CPED1: variants seen among roughly 807,000 people sequenced by gnomAD.
The protein encoded by CPED1 is cadherin like and PC-esterase domain containing 1, also known as cadherin-like and PC-esterase domain-containing protein 1.
CPED1 carries 114 observed loss-of-function variants against 128.2 expected under a neutral mutation model. The observed-to-expected ratio is 0.89, with a 90% confidence interval of 0.76 to 1.04. CPED1 has a LOEUF of 1.04. Among genes scored for constraint, CPED1 ranks in the 50% least tolerant of loss-of-function variants. CPED1 has a pLI of 0.00. For missense variants in CPED1, 1,211 were observed against 1,207.1 expected (o/e 1.00, Z -0.05); for synonymous variants, 462 against 426.7 (o/e 1.08, Z -1.02).
At chr7:121,012,656 T>C (rs1381029862) in intron 2 of CPED1, among the ~76,000 whole-genome samples, 2 of 152,240 alleles carry the variant, frequency 1.3e-5, no homozygotes, top group African/African-American at 4.8e-5. Flanking sequence ...TGCCCTTTGG[T>C]ATTGGGCCAT....
intron 7 of CPED1, among the ~76,000 whole-genome samples, chr7:121,117,083 A>ATATATATATATT (rs1795263307): frequency 1.4e-5 from 2 of 143,086 alleles, no homozygotes; most frequent in African/African-American, 5.2e-5. Context: ...CACATTATAT[A>ATATATATATATT]TATATATATA....
intron 5 of CPED1, chr7:121,076,707 T>A (rs1346616368): frequency 6.6e-6 from 1 of 152,186 alleles, no homozygotes; most frequent in Admixed American, 6.5e-5. Context: ...ATAGATTAGC[T>A]CTCTGGGAAG....
chr7:121,011,681 T>C (rs531044906), intron 2 of CPED1, among the ~76,000 whole-genome samples: 26 of 152,216 alleles, frequency 1.7e-4, no homozygotes, highest in African/African-American at 6.0e-4. Context: ...AAAATAAACA[T>C]AAGTTTCCAA....
At chr7:121,096,722 T>G (rs1290949780) in intron 5 of CPED1, among the ~76,000 whole-genome samples, 3 of 152,166 alleles carry the variant, frequency 2.0e-5, no homozygotes. Flanking sequence ...GTATATTTAT[T>G]TATTTAATGA....
intron 5 of CPED1, among the ~76,000 whole-genome samples, chr7:121,076,363 C>T (rs1308845317): frequency 6.6e-6 from 1 of 151,928 alleles, no homozygotes; most frequent in Admixed American, 6.6e-5. Flanking sequence ...TAATATTGTC[C>T]ATAAACTAGG....
intron 16 of CPED1, among the ~76,000 whole-genome samples, chr7:121,189,652 A>G (rs1400208469): frequency 1.3e-5 from 2 of 151,264 alleles, no homozygotes; most frequent in African/African-American, 2.4e-5. Context: ...CTCTCAATTT[A>G]TGAAAAATAA....
At chr7:121,121,053 T>A (rs887190472) in intron 7 of CPED1, among the ~76,000 whole-genome samples, 8 of 142,646 alleles carry the variant, frequency 5.6e-5, no homozygotes, top group Admixed American at 2.9e-4. Flanking sequence ...ACAGAACAAA[T>A]GACATGTGTT....
intron 2 of CPED1, among the ~76,000 whole-genome samples, chr7:121,001,073 T>C (rs1184467759): frequency 6.6e-6 from 1 of 152,188 alleles, no homozygotes; most frequent in Non-Finnish European, 1.5e-5. Context: ...TCTTCAATAA[T>C]GCATATGTAG....
At chr7:121,228,300 A>G (rs1043619313) in intron 16 of CPED1, among the ~76,000 whole-genome samples, 6 of 152,046 alleles carry the variant, frequency 3.9e-5, no homozygotes, top group African/African-American at 1.2e-4. Context: ...TGAAAAAGCA[A>G]ATAATTCCAT....
At position 121,141,021 on chromosome 7, in the gene CPED1, A is replaced by G. The variant is rs1240422021; in HGVS notation, c.1886+8A>G. Reference sequence around the variant, plus strand: ...CGAGCAGGCAGGGCCAAGGTATGAGATGTTGACTGGGGCTGTGTTGAGACA... The same window carrying G: ...CGAGCAGGCAGGGCCAAGGTATGAGGTGTTGACTGGGGCTGTGTTGAGACA... On this transcript the variant is annotated splice_region_variant and intron_variant, in intron 15 of 22. Coordinates refer to ENST00000310396, the MANE Select transcript of CPED1 (RefSeq NM_024913.5). 6.2e-7 allele frequency: 1 copy of G among 1,602,974 alleles called. No individual in the cohort carries two copies. The highest frequency in any genetic ancestry group is 1.1e-5 in the South Asian group (1 of 89,082).
chr7:121,240,343 A>T (rs1285860981), intron 17 of CPED1, among the ~76,000 whole-genome samples: 1 of 152,138 alleles, frequency 6.6e-6, no homozygotes, highest in Non-Finnish European at 1.5e-5. Flanking sequence ...TAAGGGTAGG[A>T]TGCATATGCT....
At chr7:120,997,967 T>C (rs1196846155) in intron 2 of CPED1, among the ~76,000 whole-genome samples, 1 of 143,208 alleles carries the variant, frequency 7.0e-6, no homozygotes, top group East Asian at 1.9e-4. Context: ...TAAAATAAAA[T>C]AAAATAAAAT....
At chr7:121,256,468 C>A (rs945815838) in intron 18 of CPED1, among the ~76,000 whole-genome samples, 1 of 151,898 alleles carries the variant, frequency 6.6e-6, no homozygotes, top group Non-Finnish European at 1.5e-5. Context: ...AGACCTCAAG[C>A]TATAAAAATC....
rs751387558 is a variant in CPED1 at position 121,266,458 on chromosome 7, A to T, written c.2531+11A>T. 24 of 1,602,200 alleles carry T rather than the reference A, an allele frequency of 1.5e-5. No individual in the cohort carries two copies. The South Asian group carries it at 1.8e-4, about 12-fold the overall frequency. ...ACACCTCTTGCAAAGGTACAATGAA[A>T]CTATAATGAAAGACACAAAACCCAC... is the stretch of plus-strand genomic sequence containing the variant. On this transcript the variant is annotated intron_variant, in intron 19 of 22. Coordinates refer to ENST00000310396, the MANE Select transcript of CPED1 (RefSeq NM_024913.5).
chr7:121,109,914 G>T (rs1418404236), intron 7 of CPED1, among the ~76,000 whole-genome samples: 2 of 152,130 alleles, frequency 1.3e-5, no homozygotes, highest in Non-Finnish European at 1.5e-5. Context: ...TGAATAGGAC[G>T]ATGATTACAT....
At chr7:121,173,010 A>C (rs1796689758) in intron 16 of CPED1, among the ~76,000 whole-genome samples, 1 of 152,142 alleles carries the variant, frequency 6.6e-6, no homozygotes, top group Non-Finnish European at 1.5e-5. Context: ...ACATATTTGA[A>C]TTTCTATCTA....
At chr7:121,273,948 G>A (rs1020358970) in intron 22 of CPED1, among the ~76,000 whole-genome samples, 5 of 152,146 alleles carry the variant, frequency 3.3e-5, no homozygotes, top group African/African-American at 1.2e-4. Context: ...GCCAGTGGTT[G>A]CCAAACCCAC....
At chr7:121,125,402 C>A (rs946678509) in intron 8 of CPED1, among the ~76,000 whole-genome samples, 1 of 152,124 alleles carries the variant, frequency 6.6e-6, no homozygotes, top group African/African-American at 2.4e-5. Context: ...ATCAATCCAT[C>A]ATCTAGGTTT....
At position 121,138,403 on chromosome 7, in the gene CPED1, A is replaced by G. The variant is rs558760422; in HGVS notation, c.1699+2313A>G. Reference sequence around the variant, plus strand: ...ATGGGAAAGATGCCAAGCAAACACCAGGTGTTTTTGGCGGCAACACTGATA... The same window carrying G: ...ATGGGAAAGATGCCAAGCAAACACCGGGTGTTTTTGGCGGCAACACTGATA... On this transcript the variant is annotated intron_variant, in intron 14 of 22. Coordinates refer to ENST00000310396, the MANE Select transcript of CPED1 (RefSeq NM_024913.5). Among the ~76,000 whole-genome samples, 7 of 152,184 alleles carry G rather than the reference A, an allele frequency of 4.6e-5. No individual in the cohort carries two copies. In the East Asian group the frequency reaches 1.4e-3, roughly 30 times the overall value.
Sources: gnomAD v4.1 joint callset for allele counts (sites outside exome capture counted in the v4.1 genomes callset) on GRCh38, gnomAD v4.1.1 for gene constraint, MANE v1.5 for transcripts, NCBI Gene and HGNC (gene_info 2026-07-23, HGNC 2026-07-21) for gene names.